The following FAM20C variants were observed in gnomAD, a reference collection of about 807,000 sequenced individuals.
The protein encoded by FAM20C is extracellular serine/threonine protein kinase FAM20C.
In FAM20C, 40 loss-of-function variants were observed where a neutral mutation model predicts 51.5. The observed-to-expected ratio is 0.78, with a 90% confidence interval of 0.60 to 1.01. The LOEUF (loss-of-function observed/expected upper bound fraction) is 1.01. Ranked by LOEUF, FAM20C falls within the 50% of genes least tolerant of loss-of-function variation. The pLI is 0.00. For synonymous variants in FAM20C, 406 were observed against 380.6 expected, an observed-to-expected ratio of 1.07 and a Z score of -0.78; for missense variants, 861 against 844.7, an observed-to-expected ratio of 1.02 and a Z score of -0.24.
intron 9 of FAM20C, among the ~76,000 whole-genome samples, 182 bp downstream of exon 9, chr7:258,887 C>T (rs1001687801): frequency 6.6e-6 from 1 of 152,172 alleles, no homozygotes; most frequent in Non-Finnish European, 1.5e-5. Flanking sequence ...GCGCAGACCT[C>T]ACCCGCCCAC....
At chr7:217,429 T>TCCAGCCCCTCCCGGGTGCCCCCC (rs1554251299) in intron 3 of FAM20C, among the ~76,000 whole-genome samples, 1 of 6,362 alleles carries the variant, frequency 1.6e-4, no homozygotes, top group Non-Finnish European at 4.3e-4. Context: ...TAGAGCTGCA[T>TCCAGCCCCTCCCGGGTGCCCCCC]TTGGCTGTTT....
In FAM20C at chr7:260,214, C is replaced by T. The variant is rs1037878899; in HGVS notation, c.*234C>T. 14 of 505,774 alleles carry T rather than the reference C, an allele frequency of 2.8e-5. No individual in the cohort carries two copies. Among genetic ancestry groups the T allele is most frequent in the Admixed American group, 7.5e-5 (2 of 26,616 alleles). The allele number at this position is 505,774 out of a possible 1,614,324, so 31.3% of individuals were successfully genotyped here. On this transcript the variant is annotated 3_prime_UTR_variant, in exon 10 of 10. Coordinates refer to ENST00000313766, the MANE Select transcript of FAM20C (RefSeq NM_020223.4). ...GTCTGTGCTCACGGACAGAGGCGGC[C>T]GGCGCCGGAGGCATTCCATCCTTTC... is the stretch of plus-strand genomic sequence containing the variant.
At chr7:229,806 G>A (rs1157655524) in intron 3 of FAM20C, among the ~76,000 whole-genome samples, 1 of 152,144 alleles carries the variant, frequency 6.6e-6, no homozygotes, top group Non-Finnish European at 1.5e-5. Flanking sequence ...TTTCTGCTGT[G>A]TGAGTGATGA....
chr7:255,411 T>A lies in FAM20C; in HGVS notation c.1073-438T>A, dbSNP rs558866611. 2.0e-5 allele frequency among the ~76,000 whole-genome samples: 3 copies of A among 152,326 alleles called. No homozygotes were observed. The South Asian group carries it at 6.2e-4, about 32-fold the overall frequency. ...CAGCTGTTCAAGCCCTCTGCCCATT[T>A]ATTAGTTTTTTTTGTCTTTTTGTGA... On this transcript the variant is annotated intron_variant, in intron 5 of 9. Transcript: ENST00000313766.
intron 1 of FAM20C, 162 bp downstream of exon 1, chr7:193,966 T>C (rs1369839076): frequency 8.9e-7 from 1 of 1,127,358 alleles, no homozygotes; most frequent in Non-Finnish European, 1.2e-6. Context: ...GCTGCCTTTG[T>C]CTCCAGAATA....
chr7:234,563 GAGA>G (rs1164078109), intron 3 of FAM20C, among the ~76,000 whole-genome samples: 1 of 152,186 alleles, frequency 6.6e-6, no homozygotes, highest in Non-Finnish European at 1.5e-5. Flanking sequence ...AGGCTTTGCC[GAGA>G]AGGTGCTTGG....
intron 3 of FAM20C, among the ~76,000 whole-genome samples, chr7:234,112 C>T (rs1448285182): frequency 2.0e-5 from 3 of 152,222 alleles, no homozygotes; most frequent in South Asian, 4.1e-4. Context: ...CCAGGGAGGC[C>T]GTCCCGGCAA....
chr7:251,168 C>G (rs1022163043), intron 5 of FAM20C, among the ~76,000 whole-genome samples: 14 of 149,578 alleles, frequency 9.4e-5, no homozygotes, highest in Non-Finnish European at 1.8e-4. Context: ...CACGGCGGCT[C>G]ACGCCTGCAC....
intron 3 of FAM20C, among the ~76,000 whole-genome samples, chr7:232,852 C>T (rs1005028217): frequency 6.6e-6 from 1 of 152,198 alleles, no homozygotes; most frequent in South Asian, 2.1e-4. Context: ...GTTAAGGAGC[C>T]CTGGATTTCG....
chr7:200,794 T>C (rs1786093671), intron 2 of FAM20C, among the ~76,000 whole-genome samples: 1 of 152,160 alleles, frequency 6.6e-6, no homozygotes, highest in African/African-American at 2.4e-5. Context: ...TGCCTGTCAC[T>C]TGAGGCCTCC....
chr7:204,130 T>C (rs893473130), intron 2 of FAM20C, among the ~76,000 whole-genome samples: 1 of 152,106 alleles, frequency 6.6e-6, no homozygotes, highest in African/African-American at 2.4e-5. Flanking sequence ...ATCCGTGCAG[T>C]GTATTCAGAA....
intron 3 of FAM20C, among the ~76,000 whole-genome samples, chr7:245,204 C>T (rs1788103633): frequency 6.6e-6 from 1 of 152,244 alleles, no homozygotes; most frequent in Admixed American, 6.5e-5. Flanking sequence ...CGTCTGTAGT[C>T]TGCATTGCTG....
At position 248,267 on chromosome 7, in the gene FAM20C, C is replaced by T. The variant is rs369431616; in HGVS notation, c.957-48C>T. 504 of 1,395,384 alleles carry T rather than the reference C, an allele frequency of 3.6e-4. 1 individual carries two copies. Among genetic ancestry groups the T allele is most frequent in the East Asian group, 2.3e-3 (91 of 39,900 alleles). The allele number at this position is 1,395,384 out of a possible 1,614,324, so 86.4% of individuals were successfully genotyped here. A position where few individuals can be genotyped will look rare whatever the true frequency, so the allele number is the denominator to read the frequency against. On this transcript the variant is annotated intron_variant, in intron 4 of 9. Coordinates refer to ENST00000313766, the MANE Select transcript of FAM20C (RefSeq NM_020223.4). ...ATTTGGAGGCAGGGACACAGAGGCC[C>T]GCTGAGCCGCACAGAGCACAGACCA... is the stretch of plus-strand genomic sequence containing the variant.
At chr7:201,612 G>A (rs1786130149) in intron 2 of FAM20C, among the ~76,000 whole-genome samples, 1 of 152,240 alleles carries the variant, frequency 6.6e-6, no homozygotes, top group Non-Finnish European at 1.5e-5. Flanking sequence ...GCTGTCTGGG[G>A]TTATGTGGCT....
intron 8 of FAM20C, among the ~76,000 whole-genome samples, chr7:257,945 GGGGTGGACCCACTGCCTGAGGT>G (rs1788674326): frequency 1.1e-5 from 1 of 93,002 alleles, no homozygotes; most frequent in African/African-American, 5.0e-5. Context: ...GGAGATGCCC[GGGGTGGACCCACTGCCTGAGGT>G]GCTGGAGATA....
intron 3 of FAM20C, among the ~76,000 whole-genome samples, chr7:241,556 T>G (rs1367840998): frequency 3.4e-5 from 5 of 148,952 alleles, no homozygotes; most frequent in South Asian, 2.1e-4. Context: ...TCTGTGGGGG[T>G]TGTGTGTGTG....
chr7:194,431 C>T (rs1033146294), intron 1 of FAM20C, among the ~76,000 whole-genome samples: 3 of 150,724 alleles, frequency 2.0e-5, no homozygotes, highest in Admixed American at 6.6e-5. Context: ...CCCCTCCCTC[C>T]GCCACACAGA....
intron 2 of FAM20C, among the ~76,000 whole-genome samples, chr7:205,990 C>T (rs1034416440): frequency 6.6e-6 from 1 of 152,108 alleles, no homozygotes. Flanking sequence ...GCAGCTCCCC[C>T]ATCCCGCCAT....
Position 260,233 on chromosome 7 carries a change from T to C in FAM20C, c.*253T>C. 2.2e-6 allele frequency: 1 copy of C among 452,330 alleles called. No individual in the cohort carries two copies. Among genetic ancestry groups the C allele is most frequent in the African/African-American group, 2.0e-5 (1 of 50,466 alleles). The allele number at this position is 452,330 out of a possible 1,614,324, so 28.0% of individuals were successfully genotyped here. A position where few individuals can be genotyped will look rare whatever the true frequency, so the allele number is the denominator to read the frequency against. On this transcript the variant is annotated 3_prime_UTR_variant, in exon 10 of 10. Coordinates refer to ENST00000313766, the MANE Select transcript of FAM20C (RefSeq NM_020223.4). ...GGCGGCCGGCGCCGGAGGCATTCCA[T>C]CCTTTCTGTAGGGAAAGGAGCCTTT...
Sources: allele counts gnomAD v4.1 joint callset (sites outside exome capture counted in the v4.1 genomes callset), GRCh38; gene constraint gnomAD v4.1.1; transcripts MANE v1.5; gene names NCBI Gene and HGNC (gene_info 2026-07-23, HGNC 2026-07-21).